CYP20A1: variants seen among roughly 807,000 people sequenced by gnomAD.
CYP20A1 encodes cytochrome P450 20A1.
CYP20A1 carries 61 observed loss-of-function variants against 61.4 expected under a neutral mutation model. That is an observed-to-expected ratio of 0.99 (90% CI 0.81 to 1.23). CYP20A1 has a LOEUF of 1.23. CYP20A1 is among the 50% of genes most tolerant of loss of function. CYP20A1 has a pLI of 0.00. For missense variants in CYP20A1, 530 were observed against 542.4 expected, an observed-to-expected ratio of 0.98 and a Z score of 0.23; for synonymous variants, 193 against 188.2, an observed-to-expected ratio of 1.03 and a Z score of -0.21.
At chr2:203,278,895 A>G (rs2067930873) in intron 7 of CYP20A1, among the ~76,000 whole-genome samples, 1 of 152,212 alleles carries the variant, frequency 6.6e-6, no homozygotes, top group Non-Finnish European at 1.5e-5. Flanking sequence ...CTTTTCATTC[A>G]CTTTAATCCA....
intron 5 of CYP20A1, among the ~76,000 whole-genome samples, chr2:203,267,310 A>G (rs2067366138): frequency 1.3e-5 from 2 of 151,744 alleles, no homozygotes; most frequent in African/African-American, 4.8e-5. Context: ...AGGCAGGCAG[A>G]TCACTTGAGA....
Position 203,300,891 on chromosome 2 carries a change from GAA to G in CYP20A1, c.*4004_*4005del, listed in dbSNP as rs1163039964. Among the ~76,000 whole-genome samples, 1 of 37,050 alleles carries G rather than the reference GAA, an allele frequency of 2.7e-5. No individual in the cohort carries two copies. The highest frequency in any genetic ancestry group is 7.8e-5 in the African/African-American group (1 of 12,880). 24.3% of individuals were successfully genotyped at this position (37,050 alleles called of 152,430 possible). On this transcript the variant is annotated 3_prime_UTR_variant, in exon 13 of 13. Coordinates refer to ENST00000356079, the MANE Select transcript of CYP20A1 (RefSeq NM_177538.3). ...GCAATAAGAGCAAAACTCCGTCTCA[GAA>G]AAAAAAAAAAAAAAAAAAAACGGCC...
At chr2:203,275,333 T>A (rs1032564407) in intron 6 of CYP20A1, among the ~76,000 whole-genome samples, 1 of 152,236 alleles carries the variant, frequency 6.6e-6, no homozygotes, top group Non-Finnish European at 1.5e-5. Flanking sequence ...GTGTGACTTG[T>A]GCTTTACTGT....
At chr2:203,279,683 G>C (rs117634224) in intron 7 of CYP20A1, among the ~76,000 whole-genome samples, 2 of 152,272 alleles carry the variant, frequency 1.3e-5, no homozygotes, top group Non-Finnish European at 2.9e-5. Context: ...AGGCTTCATT[G>C]CTGTTTACTA....
At position 203,262,535 on chromosome 2, in the gene CYP20A1, T is replaced by A. The variant is rs560389899; in HGVS notation, c.433-3979T>A. On this transcript the variant is annotated intron_variant, in intron 4 of 12. Coordinates refer to ENST00000356079, the MANE Select transcript of CYP20A1 (RefSeq NM_177538.3). ...TTATGTTTATTTCCTTCCTTCTGCTTTCATTGGTTAACTTGCTATTCTTTT... is the reference window on the plus strand; with the variant it reads ...TTATGTTTATTTCCTTCCTTCTGCTATCATTGGTTAACTTGCTATTCTTTT... 2.6e-5 allele frequency among the ~76,000 whole-genome samples: 4 copies of A among 152,276 alleles called. No homozygotes were observed. In the East Asian group the frequency reaches 5.8e-4, roughly 22 times the overall value.
intron 7 of CYP20A1, among the ~76,000 whole-genome samples, 200 bp from the exon 8 acceptor site, chr2:203,279,859 A>G (rs2067973896): frequency 6.6e-6 from 1 of 152,218 alleles, no homozygotes. Flanking sequence ...TTTTAAAAAT[A>G]TTTTTAAAAA....
chr2:203,265,190 G>T lies in CYP20A1; in HGVS notation c.433-1324G>T, dbSNP rs528255643. On this transcript the variant is annotated intron_variant, in intron 4 of 12. Coordinates refer to ENST00000356079, the MANE Select transcript of CYP20A1 (RefSeq NM_177538.3). ...AGGCCTGTGATTATTTATTGTAGAGGGCTATCCTGTGCATGGTAGGATATT... is the reference window on the plus strand; with the variant it reads ...AGGCCTGTGATTATTTATTGTAGAGTGCTATCCTGTGCATGGTAGGATATT... Among the ~76,000 whole-genome samples the T allele has an allele frequency of 3.9e-5, 6 of 152,110 alleles. No homozygotes were observed. The East Asian group carries it at 1.2e-3, about 29-fold the overall frequency.
chr2:203,284,474 T>C (rs1358087986), intron 8 of CYP20A1, among the ~76,000 whole-genome samples: 1 of 152,226 alleles, frequency 6.6e-6, no homozygotes, highest in East Asian at 1.9e-4. Flanking sequence ...GTAATTTCTT[T>C]ACATTTTCAT....
intron 10 of CYP20A1, among the ~76,000 whole-genome samples, chr2:203,291,731 G>C (rs1031015808): frequency 6.6e-6 from 1 of 151,604 alleles, no homozygotes; most frequent in Non-Finnish European, 1.5e-5. Context: ...ACAACGTGCA[G>C]GTTTGTTACA....
At chr2:203,287,954 G>T (rs536605083) in intron 9 of CYP20A1, among the ~76,000 whole-genome samples, 1 of 147,696 alleles carries the variant, frequency 6.8e-6, no homozygotes, top group East Asian at 2.0e-4. Flanking sequence ...TGGTTTTGGG[G>T]TGGAGTGTTT....
At position 203,285,622 on chromosome 2, in the gene CYP20A1, G is replaced by A; in HGVS notation, c.861G>A (p.Trp287Ter). 1 of 1,589,220 alleles carries A rather than the reference G, an allele frequency of 6.3e-7. No individual in the cohort carries two copies. Among genetic ancestry groups the A allele is most frequent in the Non-Finnish European group, 8.5e-7 (1 of 1,173,490 alleles). ...SCIITAKLCT[W>*]AICFLTTSEE... is the part of the protein sequence containing the mutation. Reference sequence around the variant, plus strand: ...TAATGTTTGACCTAGTGTGTACCTGGGCAATCTGTTTTTTAACCACCTCTG... The same window carrying A: ...TAATGTTTGACCTAGTGTGTACCTGAGCAATCTGTTTTTTAACCACCTCTG... The change falls in exon 9 of 13, where the codon TGG becomes TGA. Residue 287 changes from tryptophan (W) to a stop codon, truncating the protein, a stop_gained. Coordinates refer to ENST00000356079, the MANE Select transcript of CYP20A1 (RefSeq NM_177538.3). LOFTEE classifies it high-confidence loss of function.
At chr2:203,290,973 T>G (rs2068508674) in intron 10 of CYP20A1, among the ~76,000 whole-genome samples, 1 of 152,160 alleles carries the variant, frequency 6.6e-6, no homozygotes, top group Non-Finnish European at 1.5e-5. Flanking sequence ...CCCCCGCTAG[T>G]GGAAATTATG....
chr2:203,239,076 C>G lies in CYP20A1; in HGVS notation c.14C>G (p.Ala5Gly), dbSNP rs1212386322. ...GGCGGCAGAACCATGTTGGACTTCG[C>G]GATCTTCGCCGTTACCTTCTTGCTG... is the stretch of plus-strand genomic sequence containing the variant. MLDF[A>G]IFAVTFLLAL... The change falls in exon 1 of 13, where the codon GCG becomes GGG. Residue 5 changes from alanine (A) to glycine (G), a missense_variant. Ala to Gly is a moderately conservative substitution (Grantham distance 60). Coordinates refer to ENST00000356079, the MANE Select transcript of CYP20A1 (RefSeq NM_177538.3). 1.9e-6 allele frequency: 3 copies of G among 1,613,606 alleles called. No individual in the cohort carries two copies. Among genetic ancestry groups the G allele is most frequent in the African/African-American group, 1.3e-5 (1 of 75,034 alleles).
In CYP20A1 at chr2:203,280,071, A is replaced by T. The variant is rs373713500; in HGVS notation, c.808A>T (p.Ser270Cys). 2 of 1,607,508 alleles carry T rather than the reference A, an allele frequency of 1.2e-6. No individual in the cohort carries two copies. The highest frequency in any genetic ancestry group is 1.7e-6 in the Non-Finnish European group (2 of 1,177,350). Reference protein sequence around the residue: ...NLNDQQILEDSMIFSLASCII... With the variant: ...NLNDQQILEDCMIFSLASCII... ...TTTTGTTTCCTAGATCCTAGAAGACAGTATGATATTTTCTCTGGCCAGTTG... is the reference window on the plus strand; with the variant it reads ...TTTTGTTTCCTAGATCCTAGAAGACTGTATGATATTTTCTCTGGCCAGTTG... The change falls in exon 8 of 13, where the codon AGT (serine) becomes TGT (cysteine). Residue 270 changes from serine (S) to cysteine (C), a missense_variant. Coordinates refer to ENST00000356079, the MANE Select transcript of CYP20A1 (RefSeq NM_177538.3).
intron 4 of CYP20A1, 92 bp downstream of exon 4, chr2:203,252,201 T>C: frequency 1.0e-6 from 1 of 987,932 alleles, no homozygotes; most frequent in Non-Finnish European, 1.4e-6. Context: ...TTGTTACTCT[T>C]TTCTTTCCTG....
rs2067329728 is a variant in CYP20A1 at position 203,266,539 on chromosome 2, G to A, written c.458G>A (p.Trp153Ter). 3 of 1,613,834 alleles carry A rather than the reference G, an allele frequency of 1.9e-6. No homozygotes were observed. The highest frequency in any genetic ancestry group is 8.5e-7 in the Non-Finnish European group (1 of 1,179,916). The part of the protein sequence containing the change: ...LKLSEELLDK[W>*]LSYPETQHVP... ...CTTTCAGAAGAATTATTAGATAAATGGCTCTCCTACCCAGAGACCCAGCAC... is the reference window on the plus strand; with the variant it reads ...CTTTCAGAAGAATTATTAGATAAATAGCTCTCCTACCCAGAGACCCAGCAC... Residue 153 changes from tryptophan (W) to a stop codon, truncating the protein, a stop_gained, in exon 5 of 13, where the codon TGG (tryptophan) becomes TAG (stop). Transcript: ENST00000356079. LOFTEE classifies it high-confidence loss of function.
At chr2:203,252,875 A>G (rs1217271008) in intron 4 of CYP20A1, among the ~76,000 whole-genome samples, 2 of 151,838 alleles carry the variant, frequency 1.3e-5, no homozygotes, top group Non-Finnish European at 2.9e-5. Flanking sequence ...CCATTCACAC[A>G]CTTTCACACA....
rs368767754 is a variant in CYP20A1, at chr2:203,280,127, G to C, written c.850+14G>C. The C allele has an allele frequency of 1.4e-4, 230 of 1,590,038 alleles. No homozygotes were observed. The highest frequency in any genetic ancestry group is 1.8e-4 in the Non-Finnish European group (212 of 1,164,796). ...TAACTGCAAAATGTAAGTATAAATT[G>C]ATTTCTTTTTCAGAGGAATTACTAA... On this transcript the variant is annotated intron_variant, in intron 8 of 12. Coordinates refer to ENST00000356079, the MANE Select transcript of CYP20A1 (RefSeq NM_177538.3).
intron 5 of CYP20A1, among the ~76,000 whole-genome samples, chr2:203,270,558 C>T (rs781353467): frequency 3.3e-4 from 50 of 151,980 alleles, no homozygotes; most frequent in South Asian, 8.3e-4. Context: ...TTTCCTTTTA[C>T]ATTTATTTAT....
Sources: allele counts gnomAD v4.1 joint callset (sites outside exome capture counted in the v4.1 genomes callset), GRCh38; gene constraint gnomAD v4.1.1; transcripts MANE v1.5; gene names NCBI Gene and HGNC (gene_info 2026-07-23, HGNC 2026-07-21).